The following STAB1 variants were observed in gnomAD, a reference collection of about 807,000 sequenced individuals.
STAB1 encodes the protein stabilin 1.
STAB1 carries 250 observed loss-of-function variants against 332.4 expected under a neutral mutation model. The ratio of observed to expected loss-of-function variants is 0.75; its 90% CI spans 0.68 to 0.84. The LOEUF (loss-of-function observed/expected upper bound fraction) is 0.84. Among genes scored for constraint, STAB1 ranks in the 40% least tolerant of loss-of-function variants. STAB1 has a pLI of 0.00. For missense variants in STAB1, 3,249 were observed against 3,489.7 expected (o/e 0.93, Z 1.74); for synonymous variants, 1,475 against 1,390.4 (o/e 1.06, Z -1.35).
intron 46 of STAB1, 65 bp from the exon 47 acceptor site, chr3:52,518,471 C>T (rs1221077647): frequency 1.3e-6 from 2 of 1,561,854 alleles, no homozygotes; most frequent in African/African-American, 1.4e-5. Context: ...CCAGGTCTTC[C>T]CCAGGAGATC....
chr3:52,522,029 G>T lies in STAB1; in HGVS notation c.6272-8G>T, dbSNP rs1250931753. The T allele has an allele frequency of 1.2e-6, 2 of 1,613,024 alleles. No homozygotes were observed. The highest frequency in any genetic ancestry group is 3.3e-4 in the Middle Eastern group (2 of 6,062). ...CACTAGGTCCAACCACTCCCTCCCTGCCCTCAGTGGCAGACCTGTGCCAGG... is the reference window on the plus strand; with the variant it reads ...CACTAGGTCCAACCACTCCCTCCCTTCCCTCAGTGGCAGACCTGTGCCAGG... On this transcript the variant is annotated splice_region_variant and splice_polypyrimidine_tract_variant and intron_variant, in intron 58 of 68. Transcript: ENST00000321725.
Position 52,506,238 on chromosome 3 carries a change from C to A in STAB1, c.1818C>A (p.Asn606Lys), listed in dbSNP as rs201240267. The A allele has an allele frequency of 6.2e-7, 1 of 1,612,266 alleles. No homozygotes were observed. Residue 606 changes from asparagine to lysine, a missense_variant, in exon 17 of 69, where the codon AAC becomes AAA. Asn to Lys is a moderately conservative substitution (Grantham distance 94). Transcript: ENST00000321725. Reference sequence around the variant, plus strand: ...TGGCGAACCAGGTCCTGGCTGTGAACATTTCTGAGGAGGTGAGGTGCACGG... The same window carrying A: ...TGGCGAACCAGGTCCTGGCTGTGAAAATTTCTGAGGAGGTGAGGTGCACGG... Reference protein sequence around the residue: ...LTMANQVLAVNISEEGRILLG... With the variant: ...LTMANQVLAVKISEEGRILLG...
At chr3:52,511,885 C>A in intron 26 of STAB1, 140 bp downstream of exon 26, 2 of 706,266 alleles carry the variant, frequency 2.8e-6, no homozygotes, top group Non-Finnish European at 4.5e-6. Context: ...CAAATCCAAC[C>A]ATGTCACTCC....
intron 3 of STAB1, 40 bp from the exon 4 acceptor site, chr3:52,501,966 G>C (rs1280290090): frequency 6.8e-6 from 11 of 1,608,036 alleles, no homozygotes; most frequent in Non-Finnish European, 9.3e-6. Context: ...GGTAAGCGGA[G>C]GGTTCTGGGC....
At chr3:52,501,837 C>T (rs1708470627) in intron 3 of STAB1, 84 bp downstream of exon 3, 1 of 1,386,696 alleles carries the variant, frequency 7.2e-7, no homozygotes, top group Non-Finnish European at 1.0e-6. Context: ...CACCTGCATT[C>T]CCCTTCAACT....
chr3:52,521,240 G>A (rs1038581596), intron 55 of STAB1, 121 bp from the exon 56 acceptor site: 7 of 1,405,070 alleles, frequency 5.0e-6, no homozygotes, highest in Non-Finnish European at 5.9e-6. Flanking sequence ...GGGCCTGGAG[G>A]GATCTTAGCA....
intron 68 of STAB1, 34 bp from the exon 69 acceptor site, chr3:52,524,266 G>C: frequency 6.2e-7 from 1 of 1,613,912 alleles, no homozygotes; most frequent in Non-Finnish European, 8.5e-7. Context: ...CCAGGCCCTG[G>C]TCACACCCTC....
In STAB1 at chr3:52,518,525, G is replaced by A. The variant is rs762316120; in HGVS notation, c.4810-11G>A. The A allele has an allele frequency of 1.9e-6, 3 of 1,577,914 alleles. 1 individual carries two copies. The highest frequency in any genetic ancestry group is 2.6e-6 in the Non-Finnish European group (3 of 1,161,056). The stretch of plus-strand genomic sequence containing the variant: ...CTCCCATTCCACTCATGCTGTTGCT[G>A]CCTCCCGCAGGAATATAAGGAGCTC... On this transcript the variant is annotated splice_polypyrimidine_tract_variant and intron_variant, in intron 46 of 68. Transcript: ENST00000321725.
Position 52,513,208 on chromosome 3 carries a change from C to T in STAB1, c.3237C>T (p.Pro1079=), listed in dbSNP as rs1239221921. 3.8e-6 allele frequency: 6 copies of T among 1,585,566 alleles called. No individual in the cohort carries two copies. The Admixed American group carries it at 9.0e-5, about 24-fold the overall frequency. The change falls in exon 30 of 69, where the codon CCC becomes CCT. Residue 1079 remains proline, a synonymous_variant. Coordinates refer to ENST00000321725, the MANE Select transcript of STAB1 (RefSeq NM_015136.3). ...LGGQEVATLN[P]TTRWEIRNIS... Reference sequence around the variant, plus strand: ...GGCAGGAAGTGGCCACCCTGAACCCCACCACACGCTGGGAGATTCGCAACA... The same window carrying T: ...GGCAGGAAGTGGCCACCCTGAACCCTACCACACGCTGGGAGATTCGCAACA...
At position 52,523,763 on chromosome 3, in the gene STAB1, T is replaced by C; in HGVS notation, c.7395+7T>C. ...CCTGGCACCCCCACAGCCCGTGAGTTGAGGAAGGGGGAGGCAGAGCCCTTC... is the reference window on the plus strand; with the variant it reads ...CCTGGCACCCCCACAGCCCGTGAGTCGAGGAAGGGGGAGGCAGAGCCCTTC... On this transcript the variant is annotated splice_region_variant and intron_variant, in intron 66 of 68. Transcript: ENST00000321725. 6.3e-7 allele frequency: 1 copy of C among 1,596,154 alleles called. No individual in the cohort carries two copies. The highest frequency in any genetic ancestry group is 8.6e-7 in the Non-Finnish European group (1 of 1,166,688).
chr3:52,518,051 A>G, intron 45 of STAB1, 48 bp downstream of exon 45: 1 of 1,565,248 alleles, frequency 6.4e-7, no homozygotes, highest in Middle Eastern at 1.7e-4. Flanking sequence ...GCTGTGCCCC[A>G]TGGGCCTGAC....
rs759108779 is a variant in STAB1 at position 52,523,502 on chromosome 3, T to C, written c.7216T>C (p.Leu2406=). 6.2e-7 allele frequency: 1 copy of C among 1,612,614 alleles called. No homozygotes were observed. Among genetic ancestry groups the C allele is most frequent in the South Asian group, 1.1e-5 (1 of 91,086 alleles). ...LLSANASQGK[L]LPAHSGLSLI... ...AAGTGCCAACGCCAGCCAGGGGAAG[T>C]TGCTTCCGGCCCACTCAGGCCTCAG... Residue 2406 remains leucine (L), a synonymous_variant, in exon 65 of 69, where the codon TTG becomes CTG. Coordinates refer to ENST00000321725, the MANE Select transcript of STAB1 (RefSeq NM_015136.3).
In STAB1 at chr3:52,516,969, G is replaced by A. The variant is rs751938079; in HGVS notation, c.4364-15G>A. 13 of 1,610,098 alleles carry A rather than the reference G, an allele frequency of 8.1e-6. No individual in the cohort carries two copies. The highest frequency in any genetic ancestry group is 1.0e-5 in the Non-Finnish European group (12 of 1,179,174). On this transcript the variant is annotated splice_polypyrimidine_tract_variant and intron_variant, in intron 41 of 68. Coordinates refer to ENST00000321725, the MANE Select transcript of STAB1 (RefSeq NM_015136.3). ...CGTGCCTGCTCCTGAGGACTCTCTG[G>A]CCATCTCCCCTTAGAGGTGGACCCC...
intron 1 of STAB1, 145 bp downstream of exon 1, chr3:52,495,636 C>T (rs1008714780): frequency 4.0e-6 from 3 of 742,428 alleles, no homozygotes; most frequent in Non-Finnish European, 5.6e-6. Flanking sequence ...GGCCTGGGGG[C>T]TGGCTATTGT....
chr3:52,518,296 A>G lies in STAB1; in HGVS notation c.4762-16A>G, dbSNP rs1575353992. 5 of 1,612,294 alleles carry G rather than the reference A, an allele frequency of 3.1e-6. No individual in the cohort carries two copies. On this transcript the variant is annotated splice_polypyrimidine_tract_variant and intron_variant, in intron 45 of 68. Transcript: ENST00000321725. ...TGGGGGCCGCCCCAAATCTGAGCTG[A>G]CCCTCGCCCCCCCAGGAGCTCCTGA...
rs1708663925 is a variant in STAB1 at position 52,504,111 on chromosome 3, C to T, written c.1106C>T (p.Thr369Ile). ...CACGAGGTGCAGAAGGCCACGCAGACAGGCCGGGTGTTCCTGCAGCTGAGG... is the reference window on the plus strand; with the variant it reads ...CACGAGGTGCAGAAGGCCACGCAGATAGGCCGGGTGTTCCTGCAGCTGAGG... ...LLHEVQKATQTGRVFLQLRVA... is the reference protein window; with the variant it reads ...LLHEVQKATQIGRVFLQLRVA... Residue 369 changes from threonine (T) to isoleucine (I), a missense_variant, in exon 10 of 69, where the codon ACA becomes ATA. Physicochemically the swap from Thr to Ile is moderately conservative, Grantham distance 89. Coordinates refer to ENST00000321725, the MANE Select transcript of STAB1 (RefSeq NM_015136.3). The T allele has an allele frequency of 3.8e-6, 6 of 1,592,388 alleles. No homozygotes were observed. The East Asian group carries it at 1.4e-4, about 36-fold the overall frequency.
At chr3:52,519,142 C>A in intron 48 of STAB1, 122 bp from the exon 49 acceptor site, 3 of 1,364,072 alleles carry the variant, frequency 2.2e-6, no homozygotes, top group East Asian at 2.3e-5. Flanking sequence ...CGTCCTGGTC[C>A]CGAAGAACCG....
chr3:52,502,913 C>A, intron 6 of STAB1, 86 bp from the exon 7 acceptor site: 1 of 1,326,790 alleles, frequency 7.5e-7, no homozygotes, highest in South Asian at 1.5e-5. Flanking sequence ...TGCTCCAAGT[C>A]ACACAGAACA....
intron 16 of STAB1, 65 bp from the exon 17 acceptor site, chr3:52,506,105 G>A: frequency 6.4e-7 from 1 of 1,553,228 alleles, no homozygotes; most frequent in Non-Finnish European, 8.8e-7. Context: ...CTCCTGGGCA[G>A]GACTGGGCGT....
Sources: gnomAD v4.1 joint callset for allele counts on GRCh38, gnomAD v4.1.1 for gene constraint, MANE v1.5 for transcripts, NCBI Gene and HGNC (gene_info 2026-07-23, HGNC 2026-07-21) for gene names.